LRRTM4: variants seen among roughly 807,000 people sequenced by gnomAD.
LRRTM4 encodes leucine rich repeat transmembrane neuronal 4.
LRRTM4 carries 25 observed loss-of-function variants against 47.6 expected under a neutral mutation model. The observed-to-expected ratio is 0.53, with a 90% confidence interval of 0.38 to 0.73. The LOEUF (loss-of-function observed/expected upper bound fraction) is 0.73, where lower values mean the gene tolerates loss of function less well. Ranked by LOEUF, LRRTM4 falls within the 30% of genes least tolerant of loss-of-function variation. The pLI is 0.00. For missense variants in LRRTM4, 638 were observed against 713.4 expected (o/e 0.89, Z 1.20); for synonymous variants, 311 against 269.5 (o/e 1.15, Z -1.51).
intron 3 of LRRTM4, among the ~76,000 whole-genome samples, chr2:77,085,374 C>G (rs1680675741): frequency 7.0e-6 from 1 of 142,672 alleles, no homozygotes; most frequent in Admixed American, 7.0e-5. Context: ...CTGGCAATCC[C>G]TCACTTTTTT....
chr2:76,982,813 G>A (rs1161862098), intron 3 of LRRTM4, among the ~76,000 whole-genome samples: 2 of 152,022 alleles, frequency 1.3e-5, no homozygotes, highest in African/African-American at 4.8e-5. Context: ...TTAAAAATAG[G>A]ACACACTTGT....
chr2:77,216,254 C>T (rs1221962547), intron 3 of LRRTM4, among the ~76,000 whole-genome samples: 1 of 152,286 alleles, frequency 6.6e-6, no homozygotes, highest in Non-Finnish European at 1.5e-5. Flanking sequence ...AACTTGGTTG[C>T]AAAGCCATCC....
intron 3 of LRRTM4, among the ~76,000 whole-genome samples, chr2:77,344,294 A>G (rs1265416687): frequency 6.6e-6 from 1 of 151,926 alleles, no homozygotes; most frequent in African/African-American, 2.4e-5. Context: ...CAAAGACTAT[A>G]AACAGCCATT....
chr2:77,288,742 T>C (rs1193822240), intron 3 of LRRTM4, among the ~76,000 whole-genome samples: 1 of 152,060 alleles, frequency 6.6e-6, no homozygotes, highest in African/African-American at 2.4e-5. Flanking sequence ...GCTTAGGAAA[T>C]AAATACTATG....
chr2:77,188,234 A>G (rs1243790892), intron 3 of LRRTM4, among the ~76,000 whole-genome samples: 1 of 152,042 alleles, frequency 6.6e-6, no homozygotes, highest in Non-Finnish European at 1.5e-5. Flanking sequence ...TAGAGACTAC[A>G]CTCATCTCTT....
rs548708018 is a variant in LRRTM4 at position 76,885,185 on chromosome 2, A to C, written c.1552-136269T>G. On this transcript the variant is annotated intron_variant, in intron 3 of 3. Coordinates refer to ENST00000409884, the MANE Select transcript of LRRTM4 (RefSeq NM_001134745.3). Reference sequence around the variant, plus strand: ...ATTTTAAAAACCACTCTAACTTCCAAACTTACTCTAATAAGTACAATTACT... The same window carrying C: ...ATTTTAAAAACCACTCTAACTTCCACACTTACTCTAATAAGTACAATTACT... 2.2e-3 allele frequency among the ~76,000 whole-genome samples: 334 copies of C among 152,148 alleles called. 7 individuals are homozygous for C. Among genetic ancestry groups the C allele is most frequent in the African/African-American group, 7.8e-3 (325 of 41,538 alleles).
chr2:77,267,557 A>G (rs145337415), intron 3 of LRRTM4, among the ~76,000 whole-genome samples: 25 of 152,268 alleles, frequency 1.6e-4, no homozygotes, highest in Non-Finnish European at 2.9e-4. Context: ...ACCTCCCATT[A>G]GGCCTCACTC....
At chr2:77,506,055 C>G (rs1678756109) in intron 3 of LRRTM4, among the ~76,000 whole-genome samples, 1 of 151,470 alleles carries the variant, frequency 6.6e-6, no homozygotes, top group Admixed American at 6.6e-5. Flanking sequence ...AGCAAGAATA[C>G]TTATTTATAA....
intron 3 of LRRTM4, among the ~76,000 whole-genome samples, chr2:76,936,444 G>A (rs773765310): frequency 1.3e-5 from 2 of 151,850 alleles, no homozygotes; most frequent in Admixed American, 6.6e-5. Context: ...TTGAGGGTGG[G>A]GGGTTAGGGG....
In LRRTM4 at chr2:77,384,140, A is replaced by C. The variant is rs371190757; in HGVS notation, c.1551+134178T>G. 7.2e-5 allele frequency among the ~76,000 whole-genome samples: 11 copies of C among 152,180 alleles called. No individual in the cohort carries two copies. In the South Asian group the frequency reaches 1.5e-3, roughly 20 times the overall value. On this transcript the variant is annotated intron_variant, in intron 3 of 3. Coordinates refer to ENST00000409884, the MANE Select transcript of LRRTM4 (RefSeq NM_001134745.3). ...TCTTTACGGATTTTTAGTATATAAG[A>C]AATTAAGCTCTATGATAGAGCCAGA...
At chr2:77,334,087 A>C (rs558087275) in intron 3 of LRRTM4, among the ~76,000 whole-genome samples, 14 of 152,238 alleles carry the variant, frequency 9.2e-5, no homozygotes, top group African/African-American at 3.1e-4. Flanking sequence ...AAATTCTCCC[A>C]TTTGGAATGG....
chr2:77,342,276 G>C (rs1671400531), intron 3 of LRRTM4, among the ~76,000 whole-genome samples: 1 of 151,946 alleles, frequency 6.6e-6, no homozygotes, highest in Non-Finnish European at 1.5e-5. Flanking sequence ...TACCCTGAGA[G>C]GATATTTGGC....
chr2:76,993,116 TA>T (rs1215744717), intron 3 of LRRTM4, among the ~76,000 whole-genome samples: 1 of 151,794 alleles, frequency 6.6e-6, no homozygotes, highest in Non-Finnish European at 1.5e-5. Context: ...TATATAAAAA[TA>T]ACTCAAGATG....
chr2:76,798,514 G>T (rs1224378824), intron 3 of LRRTM4, among the ~76,000 whole-genome samples: 1 of 142,464 alleles, frequency 7.0e-6, no homozygotes, highest in Non-Finnish European at 1.5e-5. Flanking sequence ...ATCCAAAATT[G>T]ACACCCTAAC....
At chr2:77,450,235 T>A (rs757843683) in intron 3 of LRRTM4, among the ~76,000 whole-genome samples, 19 of 151,956 alleles carry the variant, frequency 1.3e-4, no homozygotes, top group Admixed American at 2.0e-4. Flanking sequence ...AGTTATATAA[T>A]ATTAAAACTC....
chr2:76,912,463 A>G (rs1929460), intron 3 of LRRTM4, among the ~76,000 whole-genome samples: 2,023 of 152,292 alleles, frequency 0.013, 46 homozygotes, highest in African/African-American at 0.047. Context: ...GATCCACTTT[A>G]ATTACTTTCT....
chr2:77,438,077 T>C (rs1675674103), intron 3 of LRRTM4, among the ~76,000 whole-genome samples: 1 of 152,200 alleles, frequency 6.6e-6, no homozygotes, highest in Non-Finnish European at 1.5e-5. Flanking sequence ...AGTGAATATA[T>C]TCTTATTTCA....
intron 3 of LRRTM4, among the ~76,000 whole-genome samples, chr2:77,238,591 C>T (rs577712275): frequency 9.4e-4 from 143 of 152,040 alleles, no homozygotes; most frequent in African/African-American, 3.4e-3. Context: ...AGTGGGTAAA[C>T]AGCACGCCGA....
At chr2:76,994,674 C>T (rs1201107672) in intron 3 of LRRTM4, among the ~76,000 whole-genome samples, 1 of 151,836 alleles carries the variant, frequency 6.6e-6, no homozygotes, top group African/African-American at 2.4e-5. Flanking sequence ...CAAGAAATAT[C>T]AAAATTAACA....
Sources: gnomAD v4.1 joint callset for allele counts (sites outside exome capture counted in the v4.1 genomes callset) on GRCh38, gnomAD v4.1.1 for gene constraint, MANE v1.5 for transcripts, NCBI Gene and HGNC (gene_info 2026-07-23, HGNC 2026-07-21) for gene names.